Variants in ERN1 observed in about 807,000 individuals in gnomAD.
ERN1 encodes endoplasmic reticulum to nucleus signaling 1.
A neutral mutation model predicts 113.1 loss-of-function variants in ERN1; 39 were observed. That is an observed-to-expected ratio of 0.34 (90% CI 0.27 to 0.45). ERN1 has a LOEUF of 0.45. Among genes scored for constraint, ERN1 ranks in the 20% least tolerant of loss-of-function variants. ERN1 has a pLI of 1.00. For missense variants in ERN1, 976 were observed against 1,274.8 expected, an observed-to-expected ratio of 0.77 and a Z score of 3.57; for synonymous variants, 507 against 515.9, an observed-to-expected ratio of 0.98 and a Z score of 0.23.
chr17:64,066,904 A>G lies in ERN1; in HGVS notation c.609T>C (p.Asp203=), dbSNP rs747722419. The part of the protein sequence containing the change: ...YKMSHFVSNG[D]GLVVTVDSES... The stretch of plus-strand genomic sequence containing the variant: ...CACTGTCCACAGTCACCACCAGCCC[A>G]TCACCATTGGACACAAAGTGGGACA... Residue 203 remains aspartate (D), a synonymous_variant, in exon 8 of 22, where the codon GAT becomes GAC. Transcript: ENST00000433197. 3.1e-6 allele frequency: 5 copies of G among 1,613,896 alleles called. No individual in the cohort carries two copies. The highest frequency in any genetic ancestry group is 4.2e-6 in the Non-Finnish European group (5 of 1,179,852).
chr17:64,076,882 G>A (rs115239630), intron 4 of ERN1, among the ~76,000 whole-genome samples: 2,606 of 152,208 alleles, frequency 0.017, 72 homozygotes, highest in African/African-American at 0.058. Context: ...TTACAGGCCC[G>A]GCTGGGCATC....
chr17:64,049,309 C>T lies in ERN1; in HGVS notation c.2254-107G>A, dbSNP rs1351469087. 2 of 1,196,866 alleles carry T rather than the reference C, an allele frequency of 1.7e-6. No individual in the cohort carries two copies. The highest frequency in any genetic ancestry group is 5.3e-5 in the East Asian group (2 of 37,622). 74.1% of individuals were successfully genotyped at this position (1,196,866 alleles called of 1,614,324 possible). On this transcript the variant is annotated intron_variant, in intron 17 of 21. Coordinates refer to ENST00000433197, the MANE Select transcript of ERN1 (RefSeq NM_001433.5). This position sits in a 1 kb window ranked among gnomAD's most constrained non-coding sequence, Gnocchi z 4.7. The stretch of plus-strand genomic sequence containing the variant: ...GCTGCTTCTGCCACCTAGAAGGTGT[C>T]CTGGGAGAATCAGCTGACATATGTG...
intron 1 of ERN1, among the ~76,000 whole-genome samples, chr17:64,106,756 ACACACAC>A (rs1207541971): frequency 2.4e-4 from 34 of 142,294 alleles, no homozygotes; most frequent in African/African-American, 9.0e-4. Flanking sequence ...ACACACACAC[ACACACAC>A]AAGCTCGCTG....
chr17:64,104,352 A>G (rs1914465808), intron 1 of ERN1, among the ~76,000 whole-genome samples: 1 of 152,222 alleles, frequency 6.6e-6, no homozygotes, highest in Non-Finnish European at 1.5e-5. Flanking sequence ...GCCCCCTGCA[A>G]TGGTAAGTAC....
At chr17:64,128,007 C>CTT (rs538770412) in intron 1 of ERN1, among the ~76,000 whole-genome samples, 26 of 144,166 alleles carry the variant, frequency 1.8e-4, no homozygotes, top group African/African-American at 3.3e-4. Flanking sequence ...TCTGACCTTT[C>CTT]TTTTTTTTTT....
rs1188196038 is a variant in ERN1 at position 64,106,760 on chromosome 17, ACAC to A, written c.55-8522_55-8520del. 6.5e-3 allele frequency among the ~76,000 whole-genome samples: 928 copies of A among 141,882 alleles called. 13 individuals are homozygous for A. Among genetic ancestry groups the A allele is most frequent in the African/African-American group, 0.02 (664 of 33,466 alleles). 93.1% of individuals were successfully genotyped at this position (141,882 alleles called of 152,430 possible). A position where few individuals can be genotyped will look rare whatever the true frequency, so the allele number is the denominator to read the frequency against. The stretch of plus-strand genomic sequence containing the variant: ...CACACACACACACACACACACACAC[ACAC>A]AAGCTCGCTGTCTCTTTCTCTCATA... On this transcript the variant is annotated intron_variant, in intron 1 of 21. Coordinates refer to ENST00000433197, the MANE Select transcript of ERN1 (RefSeq NM_001433.5).
intron 1 of ERN1, among the ~76,000 whole-genome samples, chr17:64,101,131 G>A (rs1234558807): frequency 5.9e-5 from 9 of 152,178 alleles, no homozygotes; most frequent in South Asian, 2.1e-4. Context: ...AGGGCCAGGC[G>A]TGGTGACTCA....
At chr17:64,079,783 G>A in intron 3 of ERN1, 49 bp from the exon 4 acceptor site, 1 of 1,484,224 alleles carries the variant, frequency 6.7e-7, no homozygotes. Flanking sequence ...CCCAGGGCAT[G>A]GAACAACATA....
intron 1 of ERN1, among the ~76,000 whole-genome samples, chr17:64,119,376 G>GTTTTTTTTT (rs3044073): frequency 1.5e-4 from 12 of 77,910 alleles, no homozygotes; most frequent in Non-Finnish European, 1.8e-4. Context: ...TTTTTTCTAG[G>GTTTTTTTTT]TTTTTTTTTT....
At chr17:64,105,029 G>A (rs1914487740) in intron 1 of ERN1, among the ~76,000 whole-genome samples, 1 of 150,620 alleles carries the variant, frequency 6.6e-6, no homozygotes, top group Non-Finnish European at 1.5e-5. Flanking sequence ...CACACACACA[G>A]AAAACCTACG....
At chr17:64,045,256 T>C in intron 20 of ERN1, 103 bp downstream of exon 20, 2 of 1,346,174 alleles carry the variant, frequency 1.5e-6, no homozygotes, top group Non-Finnish European at 2.1e-6. Flanking sequence ...ACAGGTGGGA[T>C]GTGGGGCCTG....
At position 64,047,917 on chromosome 17, in the gene ERN1, T is replaced by G. The variant is rs751032550; in HGVS notation, c.2470A>C (p.Lys824Gln). 6.2e-7 allele frequency: 1 copy of G among 1,613,538 alleles called. No individual in the cohort carries two copies. Among genetic ancestry groups the G allele is most frequent in the South Asian group, 1.1e-5 (1 of 91,054 alleles). Residue 824 changes from lysine to glutamine, a missense_variant, in exon 19 of 22, where the codon AAG (lysine) becomes CAG (glutamine). By Grantham distance (53) the Lys-to-Gln change is moderately conservative. Around this residue, in one of 5 missense-constraint regions of ERN1, gnomAD observed 297 missense variants for 457.8 expected, o/e 0.65. Coordinates refer to ENST00000433197, the MANE Select transcript of ERN1 (RefSeq NM_001433.5). ...AAGAACGGGTGTTTGAGCACATGCT[T>G]CGCTGAGGGGCGTTTCTGAGGATCC... ...AMDPQKRPSAKHVLKHPFFWS... is the reference protein window; with the variant it reads ...AMDPQKRPSAQHVLKHPFFWS...
At chr17:64,048,300 A>C (rs1912576480) in intron 18 of ERN1, among the ~76,000 whole-genome samples, 1 of 152,196 alleles carries the variant, frequency 6.6e-6, no homozygotes, top group African/African-American at 2.4e-5. Context: ...GAGAGATTCA[A>C]GGTGACGCTG....
At chr17:64,047,060 GA>G (rs1437883664) in intron 19 of ERN1, among the ~76,000 whole-genome samples, 27 of 152,300 alleles carry the variant, frequency 1.8e-4, no homozygotes, top group African/African-American at 6.3e-4. Flanking sequence ...AGAAAGCACT[GA>G]AATTTATGAC....
chr17:64,069,437 C>A (rs901163921), intron 6 of ERN1, among the ~76,000 whole-genome samples: 1 of 151,996 alleles, frequency 6.6e-6, no homozygotes, highest in African/African-American at 2.4e-5. Context: ...GAGAAAGATA[C>A]AAAACTGGCC....
intron 1 of ERN1, among the ~76,000 whole-genome samples, chr17:64,107,883 C>T (rs1350076561): frequency 6.6e-6 from 1 of 152,186 alleles, no homozygotes; most frequent in African/African-American, 2.4e-5. Flanking sequence ...TGTTATACTT[C>T]GTTTACCTGT....
chr17:64,067,241 G>A (rs756533695), intron 7 of ERN1, among the ~76,000 whole-genome samples: 1 of 152,048 alleles, frequency 6.6e-6, no homozygotes, highest in African/African-American at 2.4e-5. Flanking sequence ...AGGAGCCAGT[G>A]GAGATGCCTA....
At chr17:64,059,102 G>A (rs977318873) in intron 11 of ERN1, among the ~76,000 whole-genome samples, 2 of 152,150 alleles carry the variant, frequency 1.3e-5, no homozygotes, top group African/African-American at 4.8e-5. Flanking sequence ...ATTTTCTTCT[G>A]TATGTGTTTA....
At chr17:64,129,799 C>T (rs970472581) in intron 1 of ERN1, 177 bp downstream of exon 1, 1 of 501,360 alleles carries the variant, frequency 2.0e-6, no homozygotes, top group Non-Finnish European at 3.1e-6. Flanking sequence ...GGAAGCTCTC[C>T]CGGCCCGGTG....
Sources: allele counts gnomAD v4.1 joint callset (sites outside exome capture counted in the v4.1 genomes callset), GRCh38; gene constraint gnomAD v4.1.1; regional missense constraint gnomAD v4.1.1; non-coding constraint Gnocchi (gnomAD v3.1); transcripts MANE v1.5; gene names NCBI Gene and HGNC (gene_info 2026-07-23, HGNC 2026-07-21).